The following TMEM230 variants were observed in gnomAD, a reference collection of about 807,000 sequenced individuals.
TMEM230 encodes UPF0414 transmembrane protein C20orf30.
Under a neutral mutation model 15.8 loss-of-function variants are expected in TMEM230, and 10 were observed. That is an observed-to-expected ratio of 0.63 (90% CI 0.39 to 1.07). TMEM230 has a LOEUF of 1.07. Among genes scored for constraint, TMEM230 ranks in the 50% least tolerant of loss-of-function variants. The pLI is 0.01. For missense variants in TMEM230, 165 were observed against 193.3 expected (o/e 0.85, Z 0.87); for synonymous variants, 67 against 76.9 (o/e 0.87, Z 0.68).
At chr20:5,105,670 T>C (rs541783073) in intron 4 of TMEM230, among the ~76,000 whole-genome samples, 2 of 152,296 alleles carry the variant, frequency 1.3e-5, no homozygotes, top group African/African-American at 4.8e-5. Flanking sequence ...ATGTGATTAT[T>C]ATGAATGCAT....
At chr20:5,109,482 A>G in intron 2 of TMEM230, 37 bp from the exon 2 acceptor site, 1 of 1,482,264 alleles carries the variant, frequency 6.7e-7, no homozygotes, top group Non-Finnish European at 9.4e-7. Flanking sequence ...TATTGTCTGT[A>G]GATGACAATG....
At chr20:5,110,745 A>G (rs1459990085) in intron 2 of TMEM230, among the ~76,000 whole-genome samples, 1 of 152,238 alleles carries the variant, frequency 6.6e-6, no homozygotes, top group African/African-American at 2.4e-5. Flanking sequence ...TTTTAAAGAA[A>G]GAAAGAAAAA....
chr20:5,097,969 A>ATTTTT (rs5840073), downstream of TMEM230, among the ~76,000 whole-genome samples: 13 of 67,254 alleles, frequency 1.9e-4, no homozygotes, highest in South Asian at 1.3e-3. Context: ...CTAACTCAGG[A>ATTTTT]TTTTTTTTTT....
downstream of TMEM230, chr20:5,099,839 G>A (rs951980681): frequency 2.1e-6 from 2 of 954,554 alleles, no homozygotes; most frequent in Non-Finnish European, 1.2e-6. Context: ...TCATTAAAAT[G>A]TTTTCTGAAA....
intron 3 of TMEM230, among the ~76,000 whole-genome samples, chr20:5,084,310 A>G (rs6084992): frequency 0.69 from 103,134 of 149,728 alleles, 36,048 homozygotes; most frequent in East Asian, 0.84. Flanking sequence ...TGCAACCTCC[A>G]CCTCTTGGGT....
intron 3 of TMEM230, among the ~76,000 whole-genome samples, chr20:5,082,634 G>A (rs1398631682): frequency 6.6e-6 from 1 of 151,824 alleles, no homozygotes; most frequent in African/African-American, 2.4e-5. Flanking sequence ...GTAGAGACAG[G>A]GTTTCACCAT....
chr20:5,072,165 C>T (rs1262174948), intron 3 of TMEM230, among the ~76,000 whole-genome samples: 1 of 152,198 alleles, frequency 6.6e-6, no homozygotes, highest in Non-Finnish European at 1.5e-5. Flanking sequence ...ATCCTCCCAC[C>T]TCAGCCGGCT....
chr20:5,107,900 T>C (rs906671112), intron 3 of TMEM230, among the ~76,000 whole-genome samples: 6 of 149,058 alleles, frequency 4.0e-5, no homozygotes, highest in African/African-American at 9.9e-5. Flanking sequence ...TCACTGGAGG[T>C]TAAGAGTTCG....
chr20:5,102,933 G>A (rs1328933662), intron 4 of TMEM230, among the ~76,000 whole-genome samples: 1 of 152,178 alleles, frequency 6.6e-6, no homozygotes, highest in African/African-American at 2.4e-5. Flanking sequence ...CATTCATCAG[G>A]ACCAAGTGGG....
intron 3 of TMEM230, among the ~76,000 whole-genome samples, chr20:5,106,954 C>T (rs537860612): frequency 1.2e-4 from 19 of 152,162 alleles, no homozygotes; most frequent in African/African-American, 4.3e-4. Flanking sequence ...GGAGTCCTTC[C>T]ACCTCTGCCT....
intron 3 of TMEM230, among the ~76,000 whole-genome samples, chr20:5,106,995 A>G (rs1340600358): frequency 1.3e-5 from 2 of 152,136 alleles, no homozygotes; most frequent in African/African-American, 4.8e-5. Context: ...GGTATAAGCC[A>G]TCAAGCCCAG....
At chr20:5,088,005 A>C (rs542759912) in intron 3 of TMEM230, among the ~76,000 whole-genome samples, 2 of 144,788 alleles carry the variant, frequency 1.4e-5, no homozygotes, top group Non-Finnish European at 3.1e-5. Flanking sequence ...GATATACCTA[A>C]AAAAAAAAAA....
exon 4 of TMEM230, chr20:5,069,275 C>A (rs1208011767): frequency 1.3e-6 from 2 of 1,536,012 alleles, no homozygotes; most frequent in South Asian, 2.4e-5. Flanking sequence ...TGATGCCTCC[C>A]ATCATGTACC....
At chr20:5,096,846 G>T (rs947615577), downstream of TMEM230, among the ~76,000 whole-genome samples, 2 of 152,202 alleles carry the variant, frequency 1.3e-5, no homozygotes, top group African/African-American at 4.8e-5. Flanking sequence ...ATAAACCTAA[G>T]TGCCCACAAG....
At chr20:5,069,967 C>T (rs2122535765) in intron 3 of TMEM230, among the ~76,000 whole-genome samples, 1 of 152,324 alleles carries the variant, frequency 6.6e-6, no homozygotes, top group Admixed American at 6.5e-5. Context: ...GCCTCGACCT[C>T]CCAAAGTGCT....
chr20:5,065,185 G>A (rs184298082), downstream of TMEM230, among the ~76,000 whole-genome samples: 72 of 152,106 alleles, frequency 4.7e-4, 1 homozygote, highest in South Asian at 0.012. Flanking sequence ...TTGGGAGGCC[G>A]AGGTGGGAAA....
At chr20:5,060,014 C>T in the TMEM230 span, among the ~76,000 whole-genome samples, 14 of 152,196 alleles carry the variant, frequency 9.2e-5, no homozygotes, top group East Asian at 1.7e-3. Flanking sequence ...TGAGGTAATC[C>T]ACCCGCCTTG....
downstream of TMEM230, among the ~76,000 whole-genome samples, chr20:5,095,946 T>C (rs1415008433): frequency 6.6e-6 from 1 of 152,232 alleles, no homozygotes. Context: ...ACCTCTTGTC[T>C]TCAAGGACTT....
intron 3 of TMEM230, among the ~76,000 whole-genome samples, chr20:5,094,236 C>T (rs1013811740): frequency 1.3e-5 from 2 of 151,004 alleles, no homozygotes; most frequent in Admixed American, 6.6e-5. Flanking sequence ...GGATTACAGG[C>T]GTGAGCCACC....
Sources: gnomAD v4.1 joint callset for allele counts (sites outside exome capture counted in the v4.1 genomes callset) on GRCh38, gnomAD v4.1.1 for gene constraint, MANE v1.5 for transcripts, NCBI Gene and HGNC (gene_info 2026-07-23, HGNC 2026-07-21) for gene names.